The following SH3GL2 variants were observed in gnomAD, a reference collection of about 807,000 sequenced individuals.
The protein encoded by SH3GL2 is SH3 domain containing GRB2 like 2, endophilin A1.
SH3GL2 carries 24 observed loss-of-function variants against 46.0 expected under a neutral mutation model. The observed-to-expected ratio is 0.52, with a 90% confidence interval of 0.38 to 0.73. The LOEUF is 0.73. SH3GL2 is among the 30% of genes least tolerant of loss of function. SH3GL2 has a pLI of 0.00. For missense variants in SH3GL2, 413 were observed against 424.2 expected, an observed-to-expected ratio of 0.97 and a Z score of 0.23; for synonymous variants, 196 against 147.1, an observed-to-expected ratio of 1.33 and a Z score of -2.40.
At chr9:17,710,995 C>G (rs572067830) in intron 1 of SH3GL2, among the ~76,000 whole-genome samples, 2 of 151,924 alleles carry the variant, frequency 1.3e-5, no homozygotes, top group Non-Finnish European at 2.9e-5. Flanking sequence ...CATTCATTCT[C>G]TGTCTCTCGC....
intron 7 of SH3GL2, among the ~76,000 whole-genome samples, chr9:17,791,703 G>A (rs546553434): frequency 1.3e-5 from 2 of 152,216 alleles, no homozygotes; most frequent in East Asian, 1.9e-4. Context: ...TTTTAGCCTC[G>A]ACTAACAGAT....
At chr9:17,720,556 AC>A (rs1821870353) in intron 1 of SH3GL2, among the ~76,000 whole-genome samples, 1 of 152,032 alleles carries the variant, frequency 6.6e-6, no homozygotes, top group Non-Finnish European at 1.5e-5. Context: ...TATTGGCTGA[AC>A]CCTGGTGATT....
intron 2 of SH3GL2, among the ~76,000 whole-genome samples, chr9:17,758,368 C>T (rs1028535221): frequency 1.3e-5 from 2 of 151,760 alleles, no homozygotes; most frequent in Non-Finnish European, 2.9e-5. Context: ...CGAGACCAGC[C>T]TGACCAACAT....
At chr9:17,589,393 A>G (rs1588158925) in intron 1 of SH3GL2, 1 of 151,186 alleles carries the variant, frequency 6.6e-6, no homozygotes, top group East Asian at 1.9e-4. Flanking sequence ...TGGCTTTTTG[A>G]TATTTAGATG....
intron 1 of SH3GL2, among the ~76,000 whole-genome samples, chr9:17,723,770 A>C (rs1821954245): frequency 6.6e-6 from 1 of 152,036 alleles, no homozygotes; most frequent in South Asian, 2.1e-4. Flanking sequence ...TCTCTCCCAG[A>C]GTGAAAAGGT....
chr9:17,776,406 C>T (rs1823641837), intron 3 of SH3GL2, among the ~76,000 whole-genome samples: 1 of 152,146 alleles, frequency 6.6e-6, no homozygotes, highest in Admixed American at 6.5e-5. Flanking sequence ...CCCTCAGAGG[C>T]TTGGTCCCCT....
chr9:17,789,320 T>TG, intron 5 of SH3GL2, 72 bp from the exon 6 acceptor site: 7 of 1,240,072 alleles, frequency 5.6e-6, no homozygotes, highest in Non-Finnish European at 7.0e-6. Flanking sequence ...ATGGACGTGA[T>TG]GGAGAAGTGA....
chr9:17,740,974 C>G (rs1236210590), intron 1 of SH3GL2, among the ~76,000 whole-genome samples: 1 of 152,044 alleles, frequency 6.6e-6, no homozygotes, highest in African/African-American at 2.4e-5. Context: ...ATTCATGTGT[C>G]TTGACTCTAA....
chr9:17,596,518 A>G (rs748697529), intron 1 of SH3GL2, among the ~76,000 whole-genome samples: 10 of 152,156 alleles, frequency 6.6e-5, no homozygotes, highest in Non-Finnish European at 1.3e-4. Flanking sequence ...TTAGGCCACG[A>G]GTCTCCTGGG....
At chr9:17,677,051 G>GC (rs1310668811) in intron 1 of SH3GL2, among the ~76,000 whole-genome samples, 1 of 152,088 alleles carries the variant, frequency 6.6e-6, no homozygotes, top group Non-Finnish European at 1.5e-5. Flanking sequence ...GGACCATTTG[G>GC]CGATGTCTTC....
At chr9:17,593,566 A>G (rs1018069544) in intron 1 of SH3GL2, among the ~76,000 whole-genome samples, 2 of 152,214 alleles carry the variant, frequency 1.3e-5, no homozygotes, top group Admixed American at 6.5e-5. Context: ...ACAAGAATGT[A>G]CCAACTGTCT....
At chr9:17,792,355 T>C (rs1223050500) in intron 7 of SH3GL2, among the ~76,000 whole-genome samples, 1 of 152,224 alleles carries the variant, frequency 6.6e-6, no homozygotes, top group Non-Finnish European at 1.5e-5. Flanking sequence ...GTAATGTCTC[T>C]TGAGCATGAA....
chr9:17,669,735 A>T (rs1820426919), intron 1 of SH3GL2, among the ~76,000 whole-genome samples: 1 of 152,200 alleles, frequency 6.6e-6, no homozygotes, highest in Admixed American at 6.5e-5. Flanking sequence ...TTGTGTGAAC[A>T]TAAGTCTTCC....
At chr9:17,632,738 G>A (rs1298867777) in intron 1 of SH3GL2, among the ~76,000 whole-genome samples, 2 of 152,094 alleles carry the variant, frequency 1.3e-5, no homozygotes. Context: ...CAAGTGACAG[G>A]CAAGCTTTTA....
At chr9:17,644,528 G>A (rs1398614971) in intron 1 of SH3GL2, among the ~76,000 whole-genome samples, 1 of 151,928 alleles carries the variant, frequency 6.6e-6, no homozygotes, top group Non-Finnish European at 1.5e-5. Context: ...TACACTGTGT[G>A]TTCTTATTGG....
intron 1 of SH3GL2, among the ~76,000 whole-genome samples, chr9:17,585,612 G>C (rs1052895505): frequency 3.3e-5 from 5 of 152,210 alleles, no homozygotes; most frequent in African/African-American, 1.2e-4. Flanking sequence ...AGCTAAGCAG[G>C]TGGGAAACAG....
chr9:17,629,839 A>T (rs1301025425), intron 1 of SH3GL2, among the ~76,000 whole-genome samples: 1 of 152,144 alleles, frequency 6.6e-6, no homozygotes, highest in Non-Finnish European at 1.5e-5. Context: ...AGTCCTGTTT[A>T]TGCCATGTAT....
At chr9:17,646,986 C>T (rs1052393885) in intron 1 of SH3GL2, among the ~76,000 whole-genome samples, 6 of 152,136 alleles carry the variant, frequency 3.9e-5, no homozygotes, top group African/African-American at 1.4e-4. Flanking sequence ...GCCACCCCTT[C>T]CCCCAGTTGT....
intron 1 of SH3GL2, among the ~76,000 whole-genome samples, chr9:17,685,368 C>T (rs989389133): frequency 1.3e-5 from 2 of 151,976 alleles, no homozygotes; most frequent in African/African-American, 4.8e-5. Context: ...TGAGGTCCCC[C>T]CACATTACTG....
Sources: allele counts gnomAD v4.1 joint callset (sites outside exome capture counted in the v4.1 genomes callset), GRCh38; gene constraint gnomAD v4.1.1; transcripts MANE v1.5; gene names NCBI Gene and HGNC (gene_info 2026-07-23, HGNC 2026-07-21).